MELTF: variants seen among roughly 807,000 people sequenced by gnomAD.
MELTF encodes antigen p97 (melanoma associated) identified by monoclonal antibodies 133.2 and 96.5.
Under a neutral mutation model 83.7 loss-of-function variants are expected in MELTF, and 67 were observed. That is an observed-to-expected ratio of 0.80 (90% CI 0.66 to 0.98). MELTF has a LOEUF of 0.98. Ranked by LOEUF, MELTF falls within the 50% of genes least tolerant of loss-of-function variation. The pLI is 0.00. For missense variants in MELTF, 1,002 were observed against 1,035.6 expected (o/e 0.97, Z 0.44); for synonymous variants, 462 against 447.6 (o/e 1.03, Z -0.41).
intron 6 of MELTF, chr3:197,019,016 G>A: frequency 1.0e-6 from 1 of 985,328 alleles, no homozygotes; most frequent in Non-Finnish European, 1.2e-6. Context: ...CAAGGAAATA[G>A]GAAGAAAAAA....
chr3:197,009,875 G>T lies in MELTF; in HGVS notation c.1331-63C>A, dbSNP rs1719126588. 4.1e-6 allele frequency: 6 copies of T among 1,459,914 alleles called. No individual in the cohort carries two copies. The South Asian group carries it at 7.0e-5, about 17-fold the overall frequency. 90.4% of individuals were successfully genotyped at this position (1,459,914 alleles called of 1,614,324 possible). ...TGAGAGCCCGGGCAAGTGCCTGGGG[G>T]GGTCCTTCCTTCAAACCCACTCCTT... On this transcript the variant is annotated intron_variant, in intron 10 of 15. Transcript: ENST00000296350.
At chr3:197,027,005 T>C (rs577220775) in intron 2 of MELTF, 7 of 512,326 alleles carry the variant, frequency 1.4e-5, no homozygotes, top group Non-Finnish European at 2.5e-5. Context: ...GACTCAGATA[T>C]CATAGTAAAA....
intron 1 of MELTF, chr3:197,028,178 T>C: frequency 2.3e-6 from 1 of 439,764 alleles, no homozygotes; most frequent in Non-Finnish European, 4.2e-6. Context: ...TGGGAGGGTC[T>C]ACAGGTCGCT....
intron 4 of MELTF, among the ~76,000 whole-genome samples, chr3:197,023,491 G>A (rs1266193065): frequency 1.3e-5 from 2 of 152,222 alleles, no homozygotes; most frequent in Non-Finnish European, 2.9e-5. Context: ...TCACTGATGG[G>A]TAGACAACCC....
At chr3:197,017,375 G>T in intron 6 of MELTF, 85 bp from the exon 7 acceptor site, 1 of 1,250,580 alleles carries the variant, frequency 8.0e-7, no homozygotes, top group East Asian at 2.6e-5. Context: ...GGAATCTGAG[G>T]GGTGGCTGGG....
Position 197,003,250 on chromosome 3 carries a change from G to GAGGCGCCTGCTCCCGCCCACGCCGGGC in MELTF, c.*95_*121dup, listed in dbSNP as rs1447636758. ...GCCCGTGGGCGGCGGGGCTCCCGGG[G>GAGGCGCCTGCTCCCGCCCACGCCGGGC]AGGCGCCTGCTCCCGCCCACGCCGG... is the stretch of plus-strand genomic sequence containing the variant. On this transcript the variant is annotated 3_prime_UTR_variant, in exon 16 of 16. Transcript: ENST00000296350. This position sits in a 1 kb window ranked among gnomAD's most constrained non-coding sequence, Gnocchi z 6.2. 1.0e-6 allele frequency: 1 copy of GAGGCGCCTGCTCCCGCCCACGCCGGGC among 1,001,466 alleles called. No homozygotes were observed. Among genetic ancestry groups the GAGGCGCCTGCTCCCGCCCACGCCGGGC allele is most frequent in the African/African-American group, 1.7e-5 (1 of 57,236 alleles). 62.0% of individuals were successfully genotyped at this position (1,001,466 alleles called of 1,614,324 possible). A position where few individuals can be genotyped will look rare whatever the true frequency, so the allele number is the denominator to read the frequency against.
chr3:197,026,425 TA>T, intron 3 of MELTF: 1 of 552,540 alleles, frequency 1.8e-6, no homozygotes, highest in Non-Finnish European at 3.3e-6. Context: ...GGGCACAGGC[TA>T]GGGGGCTGCT....
intron 6 of MELTF, chr3:197,018,909 A>C: frequency 1.0e-6 from 1 of 982,604 alleles, no homozygotes; most frequent in Non-Finnish European, 1.2e-6. Flanking sequence ...AAACAGGGAT[A>C]TTGAGAAGAC....
chr3:197,018,672 C>T (rs1167624355), intron 6 of MELTF, among the ~76,000 whole-genome samples: 1 of 151,976 alleles, frequency 6.6e-6, no homozygotes, highest in Non-Finnish European at 1.5e-5. Context: ...GTCTTGAACC[C>T]CTGACCTCAT....
Position 197,024,233 on chromosome 3 carries a change from A to T in MELTF, c.487+70T>A. 5 of 1,467,856 alleles carry T rather than the reference A, an allele frequency of 3.4e-6. No individual in the cohort carries two copies. Among genetic ancestry groups the T allele is most frequent in the Non-Finnish European group, 4.6e-6 (5 of 1,091,026 alleles). The allele number at this position is 1,467,856 out of a possible 1,614,324, so 90.9% of individuals were successfully genotyped here. ...AGGCCGGAGGGAGGCTACCCAGTGA[A>T]GGGACGAGCATGGGCCAAGGAAAGG... On this transcript the variant is annotated intron_variant, in intron 4 of 15. Coordinates refer to ENST00000296350, the MANE Select transcript of MELTF (RefSeq NM_005929.6). The surrounding 1 kb of genome is among the most constrained non-coding windows in gnomAD (Gnocchi z 5.3).
At chr3:197,028,219 G>A (rs751950562) in intron 1 of MELTF, 1 of 335,454 alleles carries the variant, frequency 3.0e-6, no homozygotes, top group Non-Finnish European at 5.6e-6. Flanking sequence ...TGGGAGCACT[G>A]GCTAGGGAGT....
intron 8 of MELTF, among the ~76,000 whole-genome samples, 169 bp from the exon 9 acceptor site, chr3:197,015,685 G>C (rs1022476842): frequency 2.6e-5 from 4 of 152,190 alleles, no homozygotes; most frequent in African/African-American, 7.2e-5. Flanking sequence ...CAACTGTGAG[G>C]CCTGAGGAAG....
Position 197,009,647 on chromosome 3 carries a change from A to G in MELTF, c.1496T>C (p.Ile499Thr). 1 of 1,613,330 alleles carries G rather than the reference A, an allele frequency of 6.2e-7. No individual in the cohort carries two copies. Among genetic ancestry groups the G allele is most frequent in the Non-Finnish European group, 8.5e-7 (1 of 1,179,532 alleles). ...GAGGACGTCACAGTCCTTGGGCCGG[A>G]TGAAGCCTCTCTGAATAAGGGCACC... ...PVGALIQRGF[I>T]RPKDCDVLTA... The change falls in exon 11 of 16, where the codon ATC (isoleucine) becomes ACC (threonine). Residue 499 changes from isoleucine (I) to threonine (T), a missense_variant. Ile to Thr is a moderately conservative substitution (Grantham distance 89). Transcript: ENST00000296350.
Position 197,029,625 on chromosome 3 carries a change from C to T in MELTF, c.49+29G>A, listed in dbSNP as rs1029598327. The T allele has an allele frequency of 3.1e-5, 39 of 1,240,768 alleles. No homozygotes were observed. Among genetic ancestry groups the T allele is most frequent in the Non-Finnish European group, 3.9e-5 (39 of 992,808 alleles). The allele number at this position is 1,240,768 out of a possible 1,614,324, so 76.9% of individuals were successfully genotyped here. A position where few individuals can be genotyped will look rare whatever the true frequency, so the allele number is the denominator to read the frequency against. ...GCCGCGGCGCCCCGGGACCCCCGCC[C>T]GCCTTTGGCTCTCACAGCGGGGCCT... On this transcript the variant is annotated intron_variant, in intron 1 of 15. Transcript: ENST00000296350. This position sits in a 1 kb window ranked among gnomAD's most constrained non-coding sequence, Gnocchi z 6.5.
chr3:197,003,515 G>T lies in MELTF; in HGVS notation c.2138-64C>A. ...GCCGCGGTGGCCGCCTCAGGCGCCCGCTCTGGGGTGGGGGTGGGGGCATCT... is the reference window on the plus strand; with the variant it reads ...GCCGCGGTGGCCGCCTCAGGCGCCCTCTCTGGGGTGGGGGTGGGGGCATCT... On this transcript the variant is annotated intron_variant, in intron 15 of 15. Transcript: ENST00000296350. This position sits in a 1 kb window ranked among gnomAD's most constrained non-coding sequence, Gnocchi z 6.2. 2.9e-6 allele frequency: 3 copies of T among 1,028,444 alleles called. No homozygotes were observed. The highest frequency in any genetic ancestry group is 2.4e-6 in the Non-Finnish European group (2 of 838,024). The allele number at this position is 1,028,444 out of a possible 1,614,324, so 63.7% of individuals were successfully genotyped here. A position where few individuals can be genotyped will look rare whatever the true frequency, so the allele number is the denominator to read the frequency against.
At chr3:197,009,059 C>G in intron 11 of MELTF, 94 bp from the exon 12 acceptor site, 1 of 1,454,926 alleles carries the variant, frequency 6.9e-7, no homozygotes, top group Non-Finnish European at 9.4e-7. Flanking sequence ...TGCCCACCCC[C>G]CGGATCCTAC....
rs373893929 is a variant in MELTF, at chr3:197,010,805, T to C, written c.1234-11A>G. The C allele has an allele frequency of 2.7e-5, 44 of 1,612,926 alleles. No homozygotes were observed. The highest frequency in any genetic ancestry group is 1.3e-4 in the African/African-American group (10 of 75,060). On this transcript the variant is annotated splice_polypyrimidine_tract_variant and intron_variant, in intron 9 of 15. Transcript: ENST00000296350. Reference sequence around the variant, plus strand: ...GTCGACCTGCTCAGCCTGAAGGGAATAGAAGAAGCCACTGGGCCGGGGTGG... The same window carrying C: ...GTCGACCTGCTCAGCCTGAAGGGAACAGAAGAAGCCACTGGGCCGGGGTGG...
intron 9 of MELTF, 101 bp from the exon 10 acceptor site, chr3:197,010,895 T>C (rs1719165729): frequency 5.8e-6 from 6 of 1,034,248 alleles, no homozygotes; most frequent in Non-Finnish European, 8.8e-6. Flanking sequence ...TTGGGGTTTG[T>C]GGCCTCAGGC....
At position 197,026,666 on chromosome 3, in the gene MELTF, C is replaced by G; in HGVS notation, c.298G>C (p.Asp100His). Reference sequence around the variant, plus strand: ...TCCCACTGCACCCTCTTACCTTGATCGTACACTTCGCCCACCACCGGCTTC... The same window carrying G: ...TCCCACTGCACCCTCTTACCTTGATGGTACACTTCGCCCACCACCGGCTTC... ...GLKPVVGEVY[D>H]QEVGTSYYAV... is the part of the protein sequence containing the mutation. Residue 100 changes from aspartate (D) to histidine (H), a missense_variant, in exon 3 of 16, where the codon GAT (aspartate) becomes CAT (histidine). By Grantham distance (81) the Asp-to-His change is moderately conservative. Coordinates refer to ENST00000296350, the MANE Select transcript of MELTF (RefSeq NM_005929.6). 1 of 1,612,960 alleles carries G rather than the reference C, an allele frequency of 6.2e-7. No homozygotes were observed. The highest frequency in any genetic ancestry group is 8.5e-7 in the Non-Finnish European group (1 of 1,179,870).
Sources: allele counts gnomAD v4.1 joint callset (sites outside exome capture counted in the v4.1 genomes callset), GRCh38; gene constraint gnomAD v4.1.1; non-coding constraint Gnocchi (gnomAD v3.1); transcripts MANE v1.5; gene names NCBI Gene and HGNC (gene_info 2026-07-23, HGNC 2026-07-21).